NPRL3: variants seen among roughly 807,000 people sequenced by gnomAD.
NPRL3 encodes GATOR1 complex protein NPRL3.
Under a neutral mutation model 57.2 loss-of-function variants are expected in NPRL3, and 23 were observed. That is an observed-to-expected ratio of 0.40 (90% CI 0.29 to 0.57). NPRL3 has a LOEUF of 0.57. NPRL3 is among the 20% of genes least tolerant of loss of function. The pLI is 0.42. For synonymous variants in NPRL3, 333 were observed against 321.1 expected, an observed-to-expected ratio of 1.04 and a Z score of -0.39; for missense variants, 691 against 767.1, an observed-to-expected ratio of 0.90 and a Z score of 1.17.
intron 2 of NPRL3, among the ~76,000 whole-genome samples, chr16:137,684 G>A (rs1901170366): frequency 6.6e-6 from 1 of 151,838 alleles, no homozygotes; most frequent in Admixed American, 6.6e-5. Context: ...CAAGTAGCTA[G>A]GATTATGGGC....
At chr16:90,548 TGGCAGTGAGG>T (rs1313099108) in intron 11 of NPRL3, 1 of 152,534 alleles carries the variant, frequency 6.6e-6, no homozygotes, top group Non-Finnish European at 1.5e-5. Flanking sequence ...CAGGTGGGGC[TGGCAGTGAGG>T]AGCAGTGAGG....
At chr16:89,468 G>A (rs1898661515) in intron 12 of NPRL3, 1 of 488,002 alleles carries the variant, frequency 2.0e-6, no homozygotes, top group Non-Finnish European at 3.6e-6. Context: ...GATTTGCTGG[G>A]CTGGGAGCTG....
At chr16:95,012 C>T (rs964022152) in intron 9 of NPRL3, among the ~76,000 whole-genome samples, 8 of 152,094 alleles carry the variant, frequency 5.3e-5, no homozygotes, top group Non-Finnish European at 1.2e-4. Context: ...GCCTCTTCAA[C>T]GGCCAGTGTC....
In NPRL3 at chr16:110,551, G is replaced by A. The variant is rs760039885; in HGVS notation, c.603C>T (p.Ala201=). ...TGTCATAAGCTTCCTTGAGGTCCCT[G>A]GCCAGCTTGCACTTGGGCAGGATGT... is the stretch of plus-strand genomic sequence containing the variant. ...FHHILPKCKL[A]RDLKEAYDSL... Residue 201 remains alanine, a synonymous_variant, in exon 7 of 14, where the codon GCC becomes GCT. Transcript: ENST00000611875. The A allele has an allele frequency of 6.2e-7, 1 of 1,612,162 alleles. No individual in the cohort carries two copies. The highest frequency in any genetic ancestry group is 8.5e-7 in the Non-Finnish European group (1 of 1,179,134).
At chr16:133,414 C>T (rs1025597355) in intron 2 of NPRL3, among the ~76,000 whole-genome samples, 4 of 151,384 alleles carry the variant, frequency 2.6e-5, no homozygotes, top group African/African-American at 9.7e-5. Context: ...TTTTTTTTAG[C>T]AGAGATGGGG....
chr16:129,963 C>T (rs1289820799), intron 3 of NPRL3, among the ~76,000 whole-genome samples: 2 of 152,168 alleles, frequency 1.3e-5, no homozygotes, highest in African/African-American at 2.4e-5. Context: ...AGTTTCTACC[C>T]TGGTAGTGCC....
intron 3 of NPRL3, among the ~76,000 whole-genome samples, chr16:129,421 G>A (rs1166255329): frequency 6.6e-6 from 1 of 152,132 alleles, no homozygotes; most frequent in Non-Finnish European, 1.5e-5. Context: ...TGTCCAGCAA[G>A]CCCCATCGCC....
chr16:112,282 A>G (rs1899849016), intron 6 of NPRL3, among the ~76,000 whole-genome samples: 1 of 152,226 alleles, frequency 6.6e-6, no homozygotes, highest in Non-Finnish European at 1.5e-5. Context: ...AAATTCATCT[A>G]CAAATGTGCC....
Position 92,692 on chromosome 16 carries a change from C to G in NPRL3, c.1065G>C (p.Gln355His), listed in dbSNP as rs1487183768. Residue 355 changes from glutamine to histidine, a missense_variant, in exon 11 of 14, where the codon CAG becomes CAC. Physicochemically the swap from Gln to His is conservative, Grantham distance 24. Transcript: ENST00000611875. ...YSPLAEQFSHQFPSHDLPSVL... is the reference protein window; with the variant it reads ...YSPLAEQFSHHFPSHDLPSVL... ...CGGACGGCAGGTCATGAGATGGGAA[C>G]TGGTGGGAGAACTGCTCGGCCAGCG... is the stretch of plus-strand genomic sequence containing the variant. 1 of 1,613,756 alleles carries G rather than the reference C, an allele frequency of 6.2e-7. No individual in the cohort carries two copies. The highest frequency in any genetic ancestry group is 1.3e-5 in the African/African-American group (1 of 74,952).
intron 5 of NPRL3, among the ~76,000 whole-genome samples, chr16:116,077 T>C (rs987152841): frequency 6.6e-6 from 1 of 152,224 alleles, no homozygotes; most frequent in Non-Finnish European, 1.5e-5. Flanking sequence ...GGGCATCATA[T>C]GCTATGCTGT....
chr16:98,061 G>A, intron 9 of NPRL3, 84 bp downstream of exon 9: 1 of 1,517,232 alleles, frequency 6.6e-7, no homozygotes, highest in Non-Finnish European at 9.0e-7. Context: ...CACAGCCCCT[G>A]TGGATGTACT....
rs202129021 is a variant in NPRL3, at chr16:112,730, G to T, written c.439C>A (p.Arg147Ser). Residue 147 changes from arginine (R) to serine (S), a missense_variant, in exon 6 of 14, where the codon CGT becomes AGT. Coordinates refer to ENST00000611875, the MANE Select transcript of NPRL3 (RefSeq NM_001077350.3). Reference protein sequence around the residue: ...SVINCLHNLSRRIATVLQHEE... With the variant: ...SVINCLHNLSSRIATVLQHEE... ...TGCTGCAGCACGGTGGCGATACGAC[G>T]GGACAGGTTATGCAGACAGTTTATC... The T allele has an allele frequency of 6.2e-7, 1 of 1,612,230 alleles. No individual in the cohort carries two copies. Among genetic ancestry groups the T allele is most frequent in the East Asian group, 2.2e-5 (1 of 44,844 alleles).
Position 98,237 on chromosome 16 carries a change from A to C in NPRL3, c.832T>G (p.Cys278Gly). ...KSLLGELPIDCSPALVRVIKT... is the reference protein window; with the variant it reads ...KSLLGELPIDGSPALVRVIKT... ...ATCACCCGCACTAGGGCAGGGGAGC[A>C]GTCAATAGGAAGCTCACCCAGCAAG... The change falls in exon 9 of 14, where the codon TGC (cysteine) becomes GGC (glycine). Residue 278 changes from cysteine to glycine, a missense_variant. Transcript: ENST00000611875. The C allele has an allele frequency of 9.9e-6, 16 of 1,613,992 alleles. No homozygotes were observed. The highest frequency in any genetic ancestry group is 1.4e-5 in the Non-Finnish European group (16 of 1,179,862).
At position 138,338 on chromosome 16, in the gene NPRL3, AG is replaced by A; in HGVS notation, c.-67-5del. 9.0e-7 allele frequency: 1 copy of A among 1,111,110 alleles called. No homozygotes were observed. Among genetic ancestry groups the A allele is most frequent in the Non-Finnish European group, 1.3e-6 (1 of 791,432 alleles). 68.8% of individuals were successfully genotyped at this position (1,111,110 alleles called of 1,614,324 possible). On this transcript the variant is annotated splice_polypyrimidine_tract_variant and splice_region_variant and intron_variant, in intron 1 of 13. Transcript: ENST00000611875. ...CGGAGCCGGAGGCGGAGGGGGCCTGAGGAGGACGGAGCCGGAGGCGGAGGGG... is the reference window on the plus strand; with the variant it reads ...CGGAGCCGGAGGCGGAGGGGGCCTGAGAGGACGGAGCCGGAGGCGGAGGGG...
rs1020039839 is a variant in NPRL3, at chr16:102,944, G to A, written c.630-2435C>T. On this transcript the variant is annotated intron_variant, in intron 7 of 13. Transcript: ENST00000611875. ...AAACTCGTATCAAACCCTGAGAAAT[G>A]TCCCAGCCGCTAAGGAATTAAAGAT... is the stretch of plus-strand genomic sequence containing the variant. 5.3e-5 allele frequency among the ~76,000 whole-genome samples: 8 copies of A among 152,048 alleles called. 1 individual carries two copies. In the South Asian group the frequency reaches 8.3e-4, roughly 16 times the overall value.
chr16:97,410 A>ATTTTTTTTTTTTTTTTTT (rs34410203), intron 9 of NPRL3, among the ~76,000 whole-genome samples: 1 of 115,086 alleles, frequency 8.7e-6, no homozygotes. Flanking sequence ...ACACCCAGCT[A>ATTTTTTTTTTTTTTTTTT]TTTTTTTTTT....
At chr16:93,404 G>C (rs1168526844) in intron 9 of NPRL3, 79 bp from the exon 10 acceptor site, 2 of 913,120 alleles carry the variant, frequency 2.2e-6, no homozygotes, top group East Asian at 5.3e-5. Flanking sequence ...CAGCCTGGGT[G>C]GCCATGGCCT....
At chr16:109,829 CAT>C (rs1169452741) in intron 7 of NPRL3, among the ~76,000 whole-genome samples, 1 of 152,232 alleles carries the variant, frequency 6.6e-6, no homozygotes, top group Non-Finnish European at 1.5e-5. Context: ...CATCTCTTCA[CAT>C]GTTTGAACCA....
intron 8 of NPRL3, 130 bp downstream of exon 8, chr16:100,242 C>T: frequency 1.0e-6 from 1 of 969,206 alleles, no homozygotes; most frequent in Non-Finnish European, 1.4e-6. Context: ...CGGCAGAGCC[C>T]CACCTGCAAG....
Sources: allele counts gnomAD v4.1 joint callset (sites outside exome capture counted in the v4.1 genomes callset), GRCh38; gene constraint gnomAD v4.1.1; transcripts MANE v1.5; gene names NCBI Gene and HGNC (gene_info 2026-07-23, HGNC 2026-07-21).